Variants in TAFA1 observed in about 807,000 individuals in gnomAD.
The protein encoded by TAFA1 is chemokine-like protein TAFA-1.
TAFA1 carries 4 observed loss-of-function variants against 18.5 expected under a neutral mutation model. The ratio of observed to expected loss-of-function variants is 0.22; its 90% CI spans 0.11 to 0.49. TAFA1 has a LOEUF of 0.49. Ranked by LOEUF, TAFA1 falls within the 20% of genes least tolerant of loss-of-function variation. The probability of loss-of-function intolerance (pLI) is 0.98; values close to 1 mark genes in which losing one functional copy is unlikely to be tolerated. For missense variants in TAFA1, 147 were observed against 169.0 expected (o/e 0.87, Z 0.72); for synonymous variants, 56 against 55.2 (o/e 1.01, Z -0.06).
chr3:68,316,382 A>C (rs1328089670), intron 2 of TAFA1, among the ~76,000 whole-genome samples: 1 of 152,214 alleles, frequency 6.6e-6, no homozygotes, highest in Non-Finnish European at 1.5e-5. Flanking sequence ...TCAGGTAAAA[A>C]AAGGAAATAG....
In TAFA1 at chr3:68,459,986, G is replaced by A. The variant is rs557421723; in HGVS notation, c.259+42566G>A. ...ATCATGAGGGAAACGTGTTAAGGCC[G>A]TTTATTGAGGCTTGAGAGATGGACA... On this transcript the variant is annotated intron_variant, in intron 3 of 4. Coordinates refer to ENST00000478136, the MANE Select transcript of TAFA1 (RefSeq NM_213609.4). Among the ~76,000 whole-genome samples, 140 of 152,276 alleles carry A rather than the reference G, an allele frequency of 9.2e-4. 1 individual carries two copies. In the Middle Eastern group the frequency reaches 0.01, roughly 11 times the overall value.
At chr3:68,178,875 TG>T (rs979516194) in intron 2 of TAFA1, among the ~76,000 whole-genome samples, 3 of 152,198 alleles carry the variant, frequency 2.0e-5, no homozygotes, top group Non-Finnish European at 4.4e-5. Context: ...CAGCTGGTGG[TG>T]GAGAATGGCT....
At chr3:68,102,889 G>A (rs2065164276) in intron 2 of TAFA1, among the ~76,000 whole-genome samples, 1 of 152,152 alleles carries the variant, frequency 6.6e-6, no homozygotes, top group South Asian at 2.1e-4. Flanking sequence ...TGGGCCAAGG[G>A]CTGTGTCCAT....
chr3:68,013,830 G>T (rs182830963), intron 2 of TAFA1, among the ~76,000 whole-genome samples: 17 of 152,166 alleles, frequency 1.1e-4, no homozygotes, highest in African/African-American at 3.9e-4. Flanking sequence ...AAAAAGAAAA[G>T]AAAAATGATA....
chr3:68,470,153 C>T (rs917126948), intron 3 of TAFA1, among the ~76,000 whole-genome samples: 32 of 152,184 alleles, frequency 2.1e-4, no homozygotes, highest in African/African-American at 7.5e-4. Flanking sequence ...AGTTTTCCTG[C>T]ACAAGCTCTC....
At chr3:68,060,539 A>G (rs1361301563) in intron 2 of TAFA1, among the ~76,000 whole-genome samples, 2 of 152,216 alleles carry the variant, frequency 1.3e-5, no homozygotes, top group African/African-American at 4.8e-5. Context: ...TGTGTGGACT[A>G]TTCTAGACCA....
At chr3:67,998,034 A>G in the TAFA1 span, among the ~76,000 whole-genome samples, 3 of 151,826 alleles carry the variant, frequency 2.0e-5, no homozygotes. Flanking sequence ...AACATAAAAA[A>G]CATATATTAA....
At position 68,212,145 on chromosome 3, in the gene TAFA1, T is replaced by C. The variant is rs778085460; in HGVS notation, c.119-205135T>C. Reference sequence around the variant, plus strand: ...TTTGACTCAAGAACAACAGCCTGAGTATGAGCCTGTAATATGAAGACGGGA... The same window carrying C: ...TTTGACTCAAGAACAACAGCCTGAGCATGAGCCTGTAATATGAAGACGGGA... On this transcript the variant is annotated intron_variant, in intron 2 of 4. Transcript: ENST00000478136. Among the ~76,000 whole-genome samples, 86 of 151,228 alleles carry C rather than the reference T, an allele frequency of 5.7e-4. 1 individual carries two copies. Among genetic ancestry groups the C allele is most frequent in the Non-Finnish European group, 9.3e-4 (63 of 67,834 alleles).
chr3:68,214,633 T>C (rs1471465422), intron 2 of TAFA1, among the ~76,000 whole-genome samples: 1 of 152,036 alleles, frequency 6.6e-6, no homozygotes, highest in East Asian at 1.9e-4. Context: ...TTCCTGGTTT[T>C]CAGATAAATA....
Position 68,004,601 on chromosome 3 carries a change from T to C in TAFA1, c.-105T>C, listed in dbSNP as rs1704326923. ...ATAAAGAAGATTGTTGGGAAGCTCT[T>C]TGAAAAAAAATTTTAAATTGTGGCA... On this transcript the variant is annotated 5_prime_UTR_variant, in exon 1 of 5. Transcript: ENST00000478136. 6.6e-6 allele frequency: 1 copy of C among 151,762 alleles called. No individual in the cohort carries two copies. Among genetic ancestry groups the C allele is most frequent in the South Asian group, 2.1e-4 (1 of 4,806 alleles). 9.4% of individuals were successfully genotyped at this position (151,762 alleles called of 1,614,324 possible).
chr3:68,421,288 A>G (rs577540733), intron 3 of TAFA1, among the ~76,000 whole-genome samples: 26 of 152,202 alleles, frequency 1.7e-4, no homozygotes, highest in Admixed American at 2.6e-4. Context: ...AAAAGTCAAT[A>G]AAGTATTGAG....
chr3:68,207,071 A>ATT (rs1404912771), intron 2 of TAFA1, among the ~76,000 whole-genome samples: 14 of 152,072 alleles, frequency 9.2e-5, no homozygotes, highest in Admixed American at 6.5e-4. Context: ...AGAGTTAATA[A>ATT]TATCAACTTG....
chr3:68,242,225 G>A (rs1413792999), intron 2 of TAFA1, among the ~76,000 whole-genome samples: 1 of 152,078 alleles, frequency 6.6e-6, no homozygotes, highest in Non-Finnish European at 1.5e-5. Flanking sequence ...ATTATCCTAA[G>A]TCCATCTGTG....
chr3:68,036,708 G>A (rs982647747), intron 2 of TAFA1, among the ~76,000 whole-genome samples: 1 of 151,960 alleles, frequency 6.6e-6, no homozygotes, highest in Admixed American at 6.6e-5. Flanking sequence ...GGTGAAGGTG[G>A]GTCCCTTAAC....
At chr3:68,037,691 T>C (rs755357466) in intron 2 of TAFA1, among the ~76,000 whole-genome samples, 3 of 152,198 alleles carry the variant, frequency 2.0e-5, no homozygotes, top group Non-Finnish European at 4.4e-5. Context: ...TTCAGTGGTT[T>C]CTGCAGGGAA....
chr3:68,008,285 A>G (rs1340004866), intron 2 of TAFA1, among the ~76,000 whole-genome samples: 1 of 152,254 alleles, frequency 6.6e-6, no homozygotes, highest in East Asian at 1.9e-4. Context: ...TGAGATTCCC[A>G]CTTTACCTCC....
intron 2 of TAFA1, among the ~76,000 whole-genome samples, chr3:68,205,328 C>T (rs1476875903): frequency 6.6e-6 from 1 of 151,838 alleles, no homozygotes; most frequent in African/African-American, 2.4e-5. Context: ...GTCTCTTTTG[C>T]AGCCAGTATA....
At chr3:68,254,133 G>GTATCTATC (rs1553659903) in intron 2 of TAFA1, among the ~76,000 whole-genome samples, 44 of 111,176 alleles carry the variant, frequency 4.0e-4, no homozygotes, top group Admixed American at 4.1e-4. Flanking sequence ...ATGTATGTAT[G>GTATCTATC]TATCTATCTA....
At chr3:68,502,995 G>T (rs1265182816) in intron 3 of TAFA1, among the ~76,000 whole-genome samples, 5 of 152,082 alleles carry the variant, frequency 3.3e-5, no homozygotes, top group Admixed American at 1.3e-4. Context: ...ATATTATTCT[G>T]CCATAAAAAG....
Sources: gnomAD v4.1 joint callset for allele counts (sites outside exome capture counted in the v4.1 genomes callset) on GRCh38, gnomAD v4.1.1 for gene constraint, MANE v1.5 for transcripts, NCBI Gene and HGNC (gene_info 2026-07-23, HGNC 2026-07-21) for gene names.